SLC2A13: variants seen among roughly 807,000 people sequenced by gnomAD.
SLC2A13 encodes the protein solute carrier family 2 member 13.
Under a neutral mutation model 64.4 loss-of-function variants are expected in SLC2A13, and 32 were observed. The ratio of observed to expected loss-of-function variants is 0.50; its 90% CI spans 0.37 to 0.67. SLC2A13 has a LOEUF of 0.67. Among genes scored for constraint, SLC2A13 ranks in the 30% least tolerant of loss-of-function variants. The pLI is 0.00. For synonymous variants in SLC2A13, 338 were observed against 327.1 expected (o/e 1.03, Z -0.36); for missense variants, 743 against 829.2 (o/e 0.90, Z 1.28).
chr12:40,041,591 T>TA (rs1948091708), intron 2 of SLC2A13, among the ~76,000 whole-genome samples: 1 of 152,236 alleles, frequency 6.6e-6, no homozygotes, highest in Admixed American at 6.5e-5. Flanking sequence ...GAGCACTTCT[T>TA]ATCCATCTTT....
intron 4 of SLC2A13, among the ~76,000 whole-genome samples, chr12:39,926,995 G>A (rs1945741938): frequency 6.6e-6 from 1 of 152,098 alleles, no homozygotes; most frequent in African/African-American, 2.4e-5. Context: ...ATTGAGAAAA[G>A]CTGGACAATT....
intron 3 of SLC2A13, among the ~76,000 whole-genome samples, chr12:39,995,408 TC>T (rs1947210077): frequency 6.6e-6 from 1 of 152,046 alleles, no homozygotes; most frequent in African/African-American, 2.4e-5. Context: ...TCATTTCCCC[TC>T]CCCGCTACCC....
At chr12:39,980,649 T>C (rs1946874073) in intron 3 of SLC2A13, among the ~76,000 whole-genome samples, 1 of 149,788 alleles carries the variant, frequency 6.7e-6, no homozygotes, top group South Asian at 2.1e-4. Context: ...ATGCACCCAA[T>C]ACAGGAGCAC....
intron 3 of SLC2A13, among the ~76,000 whole-genome samples, chr12:40,014,206 A>T (rs1003405918): frequency 6.6e-6 from 1 of 152,208 alleles, no homozygotes; most frequent in African/African-American, 2.4e-5. Flanking sequence ...TTTCTGGCCC[A>T]GAGGTAAACA....
intron 3 of SLC2A13, among the ~76,000 whole-genome samples, chr12:39,983,873 T>G (rs2136153821): frequency 7.0e-6 from 1 of 143,590 alleles, no homozygotes; most frequent in South Asian, 2.3e-4. Flanking sequence ...TAAAGACACA[T>G]GCACACGTAT....
chr12:39,982,944 T>C (rs1238727607), intron 3 of SLC2A13, among the ~76,000 whole-genome samples: 3 of 137,702 alleles, frequency 2.2e-5, no homozygotes, highest in Admixed American at 7.3e-5. Context: ...AAGACTACAG[T>C]AACCAAAACA....
intron 7 of SLC2A13, among the ~76,000 whole-genome samples, chr12:39,828,055 C>T (rs1942742852): frequency 1.3e-5 from 2 of 152,114 alleles, no homozygotes; most frequent in South Asian, 4.2e-4. Context: ...TCAACCAAAC[C>T]ACCAATCAAC....
intron 3 of SLC2A13, among the ~76,000 whole-genome samples, chr12:39,980,289 C>G (rs986308040): frequency 6.6e-6 from 1 of 151,486 alleles, no homozygotes. Flanking sequence ...CACCAGTTAA[C>G]ATCATAATGA....
chr12:39,770,730 A>G (rs1041031320), intron 7 of SLC2A13, among the ~76,000 whole-genome samples: 2 of 152,158 alleles, frequency 1.3e-5, no homozygotes, highest in Non-Finnish European at 2.9e-5. Flanking sequence ...TGACATTTCT[A>G]TTTTAGTTAA....
chr12:39,948,011 CTTCT>C (rs1001465689), intron 4 of SLC2A13, among the ~76,000 whole-genome samples: 2 of 152,150 alleles, frequency 1.3e-5, no homozygotes, highest in Non-Finnish European at 2.9e-5. Flanking sequence ...TATCACTCCT[CTTCT>C]TTATTTTGAC....
chr12:39,877,001 A>G (rs1484913070), intron 4 of SLC2A13, among the ~76,000 whole-genome samples: 1 of 152,134 alleles, frequency 6.6e-6, no homozygotes, highest in Non-Finnish European at 1.5e-5. Flanking sequence ...TAGTGCTATA[A>G]ATATATATAT....
intron 6 of SLC2A13, among the ~76,000 whole-genome samples, chr12:39,847,005 C>A (rs140502060): frequency 6.6e-6 from 1 of 152,200 alleles, no homozygotes; most frequent in African/African-American, 2.4e-5. Context: ...GTTTCAAAGG[C>A]CAAGGAAACA....
In SLC2A13 at chr12:40,009,422, TTTTG is replaced by T. The variant is rs1330689497; in HGVS notation, c.925+18875_925+18878del. ...AATAGGAAATAGAACATTAAGGTTT[TTTTG>T]TTTGTTTGTTTTTGTTTTTTGAGAC... On this transcript the variant is annotated intron_variant, in intron 3 of 9. Transcript: ENST00000280871. Among the ~76,000 whole-genome samples, 6 of 152,134 alleles carry T rather than the reference TTTTG, an allele frequency of 3.9e-5. 1 individual carries two copies. The highest frequency in any genetic ancestry group is 4.2e-4 in the South Asian group (2 of 4,818).
intron 4 of SLC2A13, among the ~76,000 whole-genome samples, chr12:39,948,395 A>T (rs1369248500): frequency 1.3e-5 from 2 of 152,146 alleles, no homozygotes; most frequent in African/African-American, 4.8e-5. Flanking sequence ...AAGGAAAAGA[A>T]AATCAAGTAT....
rs1592108055 is a variant in SLC2A13, at chr12:39,758,828, A to G, written c.*1198T>C. 1 of 152,024 alleles carries G rather than the reference A, an allele frequency of 6.6e-6. No individual in the cohort carries two copies. Among genetic ancestry groups the G allele is most frequent in the East Asian group, 1.9e-4 (1 of 5,306 alleles). 9.4% of individuals were successfully genotyped at this position (152,024 alleles called of 1,614,324 possible). ...CTGGTAAATTCTCAGGAAAATGAGA[A>G]AAGTGTGCAAAATAAAAACGAGTTT... On this transcript the variant is annotated 3_prime_UTR_variant, in exon 10 of 10. Transcript: ENST00000280871.
At chr12:39,824,362 G>A (rs964544993) in intron 7 of SLC2A13, among the ~76,000 whole-genome samples, 4 of 152,138 alleles carry the variant, frequency 2.6e-5, no homozygotes, top group African/African-American at 9.7e-5. Flanking sequence ...TTACAAGTTG[G>A]ATAATGGGAG....
chr12:39,999,467 G>T (rs543343894), intron 3 of SLC2A13, among the ~76,000 whole-genome samples: 87 of 152,268 alleles, frequency 5.7e-4, no homozygotes, highest in African/African-American at 2.0e-3. Context: ...CGCTCTGGGA[G>T]TGTCTGTCTT....
At chr12:40,053,031 C>T (rs1192723710) in intron 1 of SLC2A13, among the ~76,000 whole-genome samples, 1 of 151,838 alleles carries the variant, frequency 6.6e-6, no homozygotes, top group African/African-American at 2.4e-5. Flanking sequence ...GCCTATAATC[C>T]CAGCACTTTG....
rs752133778 is a variant in SLC2A13 at position 39,760,123 on chromosome 12, C to T, written c.1850G>A (p.Gly617Asp). 6.2e-7 allele frequency: 1 copy of T among 1,612,966 alleles called. No homozygotes were observed. The highest frequency in any genetic ancestry group is 1.1e-5 in the South Asian group (1 of 91,054). The change falls in exon 10 of 10, where the codon GGC (glycine) becomes GAC (aspartate). Residue 617 changes from glycine (G) to aspartate (D), a missense_variant. By Grantham distance (94) the Gly-to-Asp change is moderately conservative (BLOSUM62 -1). Transcript: ENST00000280871. ...TCTCCCTTCATCAGAATCTGAAGTG[C>T]CACATGTACATAGCCTGTTGTCAAA... is the stretch of plus-strand genomic sequence containing the variant. ...SLFDNRLCTCGTSDSDEGRYI... is the reference protein window; with the variant it reads ...SLFDNRLCTCDTSDSDEGRYI...
Sources: allele counts gnomAD v4.1 joint callset (sites outside exome capture counted in the v4.1 genomes callset), GRCh38; gene constraint gnomAD v4.1.1; transcripts MANE v1.5; gene names NCBI Gene and HGNC (gene_info 2026-07-23, HGNC 2026-07-21).